RGS6: variants seen among roughly 807,000 people sequenced by gnomAD.
RGS6 encodes regulator of G-protein signaling 6.
In RGS6, 30 loss-of-function variants were observed where a neutral mutation model predicts 78.5. The ratio of observed to expected loss-of-function variants is 0.38; its 90% CI spans 0.29 to 0.52. RGS6 has a LOEUF of 0.52. RGS6 is among the 20% of genes least tolerant of loss of function. The pLI is 0.85. For missense variants in RGS6, 495 were observed against 609.7 expected, an observed-to-expected ratio of 0.81 and a Z score of 1.98; for synonymous variants, 206 against 206.0, an observed-to-expected ratio of 1.00 and a Z score of 0.00.
chr14:71,976,987 TTGATTTGCATTTCTC>T (rs2094168210), intron 2 of RGS6, among the ~76,000 whole-genome samples: 1 of 125,686 alleles, frequency 8.0e-6, no homozygotes, highest in South Asian at 2.9e-4. Context: ...CATTGTGGTT[TTGATTTGCATTTCTC>T]TGATGGCCAG....
intron 2 of RGS6, among the ~76,000 whole-genome samples, chr14:72,277,158 G>T (rs1172456045): frequency 6.6e-6 from 1 of 152,218 alleles, no homozygotes. Flanking sequence ...TTTGTGAGCA[G>T]TGCTGGAGCT....
At chr14:72,169,517 T>C (rs768658817) in intron 2 of RGS6, among the ~76,000 whole-genome samples, 5 of 152,208 alleles carry the variant, frequency 3.3e-5, no homozygotes, top group Non-Finnish European at 7.3e-5. Flanking sequence ...TTACTTAGGG[T>C]GGTGGTGCAT....
At chr14:72,354,645 C>A (rs2079874560) in intron 3 of RGS6, among the ~76,000 whole-genome samples, 1 of 151,720 alleles carries the variant, frequency 6.6e-6, no homozygotes, top group Non-Finnish European at 1.5e-5. Context: ...AAAAAGTAAG[C>A]TAAATAGCTC....
At chr14:71,927,805 G>A (rs973918004), upstream of RGS6, among the ~76,000 whole-genome samples, 2 of 151,420 alleles carry the variant, frequency 1.3e-5, no homozygotes, top group African/African-American at 2.4e-5. Context: ...CTACAGGCGC[G>A]CGCCACCATG....
the RGS6 span, among the ~76,000 whole-genome samples, chr14:71,922,979 T>C: frequency 2.6e-5 from 4 of 152,212 alleles, no homozygotes; most frequent in African/African-American, 7.2e-5. Flanking sequence ...GGGGTTCCTA[T>C]GTGAATAAGT....
At chr14:72,391,337 C>G (rs2089934272) in intron 3 of RGS6, among the ~76,000 whole-genome samples, 1 of 152,160 alleles carries the variant, frequency 6.6e-6, no homozygotes, top group South Asian at 2.1e-4. Flanking sequence ...AAATCATTAG[C>G]AAAAACTGGC....
Position 72,212,980 on chromosome 14 carries a change from A to G in RGS6, c.85-139115A>G, listed in dbSNP as rs117868875. Among the ~76,000 whole-genome samples the G allele has an allele frequency of 7.1e-4, 108 of 152,306 alleles. 1 individual carries two copies. The East Asian group carries it at 0.02, about 28-fold the overall frequency. On this transcript the variant is annotated intron_variant, in intron 2 of 17. Transcript: ENST00000553525. ...TCCCTTTTTAAAGTCCCACCTGTCA[A>G]GTCTCTACACCAGTTGTATTGCATT...
At chr14:72,167,527 A>G (rs922357076) in intron 2 of RGS6, among the ~76,000 whole-genome samples, 16 of 152,174 alleles carry the variant, frequency 1.1e-4, no homozygotes, top group African/African-American at 3.9e-4. Flanking sequence ...CCTCCATACC[A>G]TCTGAACATT....
chr14:72,239,199 G>A (rs2052058837), intron 2 of RGS6, among the ~76,000 whole-genome samples: 1 of 152,196 alleles, frequency 6.6e-6, no homozygotes, highest in South Asian at 2.1e-4. Flanking sequence ...CCTCCCTTAG[G>A]GTGAGCTGCC....
the RGS6 span, among the ~76,000 whole-genome samples, chr14:71,886,443 G>A: frequency 6.6e-6 from 1 of 152,214 alleles, no homozygotes; most frequent in African/African-American, 2.4e-5. Flanking sequence ...AGTGAGTTGT[G>A]TTCTAATCAT....
intron 3 of RGS6, among the ~76,000 whole-genome samples, chr14:72,398,666 C>T (rs576987277): frequency 3.5e-4 from 53 of 152,278 alleles, no homozygotes; most frequent in African/African-American, 1.3e-3. Context: ...TTAGACCTTT[C>T]ATGCTTTCTC....
the RGS6 span, among the ~76,000 whole-genome samples, chr14:71,909,221 C>A: frequency 3.3e-5 from 5 of 152,140 alleles, no homozygotes; most frequent in African/African-American, 1.2e-4. Flanking sequence ...TCTGAGGACG[C>A]CCTACTCTGT....
intron 2 of RGS6, among the ~76,000 whole-genome samples, chr14:72,350,508 G>T (rs2078914221): frequency 6.6e-6 from 1 of 152,180 alleles, no homozygotes; most frequent in African/African-American, 2.4e-5. Flanking sequence ...TATGTGACCA[G>T]TTCTGGCCAA....
At chr14:72,598,174 G>A in the RGS6 span, among the ~76,000 whole-genome samples, 1 of 152,208 alleles carries the variant, frequency 6.6e-6, no homozygotes, top group African/African-American at 2.4e-5. Context: ...ACTGAACCAT[G>A]ACAGGCCAGG....
chr14:72,394,800 A>G (rs1216826297), intron 3 of RGS6, among the ~76,000 whole-genome samples: 1 of 152,206 alleles, frequency 6.6e-6, no homozygotes, highest in Non-Finnish European at 1.5e-5. Flanking sequence ...TTAAGAGATT[A>G]AAGTAAAGAC....
intron 2 of RGS6, among the ~76,000 whole-genome samples, chr14:72,094,188 C>T (rs2095348891): frequency 6.6e-6 from 1 of 152,156 alleles, no homozygotes; most frequent in South Asian, 2.1e-4. Context: ...CAATGTAAAG[C>T]AAAGTGTTTC....
Position 72,560,797 on chromosome 14 carries a change from C to CGTGTGTGTGTGT in RGS6, c.1423-1589_1423-1578dup, listed in dbSNP as rs57504072. ...GTTGCTGATGGGGTGATTTTGTGGA[C>CGTGTGTGTGTGT]GTGTGTGTGTGTGTGTGTGTGTGTG... On this transcript the variant is annotated intron_variant, in intron 17 of 17. Coordinates refer to ENST00000553525, the MANE Select transcript of RGS6 (RefSeq NM_001204424.2). Among the ~76,000 whole-genome samples the CGTGTGTGTGTGT allele has an allele frequency of 1.8e-3, 257 of 141,318 alleles. 2 individuals carry two copies. Among genetic ancestry groups the CGTGTGTGTGTGT allele is most frequent in the South Asian group, 2.6e-3 (11 of 4,220 alleles). 92.7% of individuals were successfully genotyped at this position (141,318 alleles called of 152,430 possible).
chr14:72,598,282 G>A, the RGS6 span, among the ~76,000 whole-genome samples: 1 of 152,234 alleles, frequency 6.6e-6, no homozygotes, highest in Non-Finnish European at 1.5e-5. Context: ...CCAAGAGTTT[G>A]AGAGGTTGAC....
chr14:72,159,399 A>G (rs1195937775), intron 2 of RGS6, among the ~76,000 whole-genome samples: 7 of 152,202 alleles, frequency 4.6e-5, no homozygotes, highest in South Asian at 2.1e-4. Context: ...GAGAAGAGAA[A>G]CAATGAAAGA....
Sources: allele counts gnomAD v4.1 joint callset (sites outside exome capture counted in the v4.1 genomes callset), GRCh38; gene constraint gnomAD v4.1.1; transcripts MANE v1.5; gene names NCBI Gene and HGNC (gene_info 2026-07-23, HGNC 2026-07-21).